Variants in SLC16A14 observed in about 807,000 individuals in gnomAD.
SLC16A14 encodes monocarboxylate transporter 14.
In SLC16A14, 14 loss-of-function variants were observed where a neutral mutation model predicts 35.8. The ratio of observed to expected loss-of-function variants is 0.39; its 90% confidence interval spans 0.26 to 0.61. SLC16A14 has a LOEUF of 0.61. SLC16A14 is among the 20% of genes least tolerant of loss of function. The pLI is 0.51. For missense variants in SLC16A14, 533 were observed against 655.0 expected (o/e 0.81, Z 2.03); for synonymous variants, 248 against 258.9 (o/e 0.96, Z 0.40).
intron 1 of SLC16A14, among the ~76,000 whole-genome samples, chr2:230,067,513 A>C (rs2077808781): frequency 6.9e-6 from 1 of 145,812 alleles, no homozygotes; most frequent in Admixed American, 6.7e-5. Context: ...CCCACCCCCA[A>C]CACTGCCTCT....
chr2:230,059,432 G>A, intron 1 of SLC16A14, 66 bp from the exon 2 acceptor site: 2 of 1,271,492 alleles, frequency 1.6e-6, no homozygotes, highest in Admixed American at 5.1e-5. Flanking sequence ...TCTTCTTTGT[G>A]CAGCTCTACC....
chr2:230,062,855 TCTC>T (rs1055477308), intron 1 of SLC16A14, among the ~76,000 whole-genome samples: 14 of 152,278 alleles, frequency 9.2e-5, no homozygotes, highest in South Asian at 6.2e-4. Context: ...AATTATTCCA[TCTC>T]CTCAACAGCT....
intron 1 of SLC16A14, among the ~76,000 whole-genome samples, chr2:230,063,367 T>C (rs996564201): frequency 6.6e-6 from 1 of 151,376 alleles, no homozygotes; most frequent in Admixed American, 6.6e-5. Flanking sequence ...CTTCAGCACC[T>C]TCTCCCAGCT....
At chr2:230,059,643 C>T (rs1321464837) in intron 1 of SLC16A14, among the ~76,000 whole-genome samples, 1 of 152,168 alleles carries the variant, frequency 6.6e-6, no homozygotes, top group Non-Finnish European at 1.5e-5. Flanking sequence ...TTTCTAAGGC[C>T]TGTATTTAGT....
At chr2:230,049,049 G>A (rs1054668641) in intron 3 of SLC16A14, among the ~76,000 whole-genome samples, 1 of 107,986 alleles carries the variant, frequency 9.3e-6, no homozygotes, top group African/African-American at 3.6e-5. Context: ...TCACACAGGA[G>A]GCTTTATTAT....
chr2:230,064,567 A>G (rs530614164), intron 1 of SLC16A14, among the ~76,000 whole-genome samples: 1 of 152,348 alleles, frequency 6.6e-6, no homozygotes, highest in Admixed American at 6.5e-5. Flanking sequence ...GCAGCTTGAC[A>G]CAAGGTGTGA....
At chr2:230,053,994 A>C (rs1017416522) in intron 2 of SLC16A14, among the ~76,000 whole-genome samples, 1 of 152,020 alleles carries the variant, frequency 6.6e-6, no homozygotes, top group Non-Finnish European at 1.5e-5. Flanking sequence ...CTCTAAATCA[A>C]TGAACTGTTT....
At chr2:230,045,643 A>T in intron 4 of SLC16A14, 102 bp downstream of exon 4, 1 of 1,330,598 alleles carries the variant, frequency 7.5e-7, no homozygotes. Context: ...AGATAAAAGG[A>T]AAATGTACAC....
intron 2 of SLC16A14, among the ~76,000 whole-genome samples, chr2:230,056,930 GTC>G (rs1433070416): frequency 2.8e-5 from 4 of 142,708 alleles, no homozygotes; most frequent in African/African-American, 1.0e-4. Flanking sequence ...AGATCAACAA[GTC>G]TCTGAATTGC....
intron 1 of SLC16A14, among the ~76,000 whole-genome samples, chr2:230,061,923 T>G (rs2077754974): frequency 1.3e-5 from 2 of 151,726 alleles, no homozygotes; most frequent in African/African-American, 4.8e-5. Context: ...TGTATTTTTA[T>G]TAGAGACGGG....
intron 2 of SLC16A14, among the ~76,000 whole-genome samples, chr2:230,055,260 G>GGCATGCAGTACA (rs1323455006): frequency 1.3e-5 from 2 of 151,972 alleles, no homozygotes; most frequent in Non-Finnish European, 2.9e-5. Flanking sequence ...CATGCAGTGC[G>GGCATGCAGTACA]TGCTAAATAA....
chr2:230,049,457 T>C (rs1263295507), intron 3 of SLC16A14, among the ~76,000 whole-genome samples: 1 of 152,206 alleles, frequency 6.6e-6, no homozygotes, highest in Non-Finnish European at 1.5e-5. Context: ...TCAACGTTAC[T>C]GCCTTCCTTT....
chr2:230,055,590 G>A (rs1283178716), intron 2 of SLC16A14, among the ~76,000 whole-genome samples: 1 of 152,156 alleles, frequency 6.6e-6, no homozygotes, highest in Non-Finnish European at 1.5e-5. Flanking sequence ...ATTAAATTAA[G>A]TATGACCATC....
At chr2:230,050,533 C>T (rs12990361) in intron 2 of SLC16A14, among the ~76,000 whole-genome samples, 4,600 of 152,224 alleles carry the variant, frequency 0.03, 134 homozygotes, top group East Asian at 0.14. Flanking sequence ...GAACTGTTAT[C>T]GGGTCCTTCA....
chr2:230,057,134 A>C (rs2077712164), intron 2 of SLC16A14, among the ~76,000 whole-genome samples: 1 of 152,174 alleles, frequency 6.6e-6, no homozygotes, highest in Non-Finnish European at 1.5e-5. Context: ...TTTCACCTTT[A>C]AGTGAAACAA....
At chr2:230,049,602 A>G (rs2077640516) in intron 3 of SLC16A14, among the ~76,000 whole-genome samples, 159 bp downstream of exon 3, 1 of 152,188 alleles carries the variant, frequency 6.6e-6, no homozygotes, top group Non-Finnish European at 1.5e-5. Context: ...TGTAATGTTA[A>G]AATGTATTTC....
chr2:230,048,655 G>A (rs1054507293), intron 3 of SLC16A14, among the ~76,000 whole-genome samples: 3 of 152,126 alleles, frequency 2.0e-5, no homozygotes, highest in Non-Finnish European at 4.4e-5. Context: ...CGGGTGCTGT[G>A]GCTGACACCT....
At chr2:230,052,697 A>G (rs1249833268) in intron 2 of SLC16A14, among the ~76,000 whole-genome samples, 2 of 152,160 alleles carry the variant, frequency 1.3e-5, no homozygotes, top group South Asian at 2.1e-4. Context: ...TTAAAAAAGT[A>G]TAACTATTTA....
At chr2:230,064,760 C>T (rs2077778845) in intron 1 of SLC16A14, among the ~76,000 whole-genome samples, 1 of 152,146 alleles carries the variant, frequency 6.6e-6, no homozygotes, top group African/African-American at 2.4e-5. Flanking sequence ...CCTGTAATCC[C>T]AGCACTTTGG....
Sources: allele counts gnomAD v4.1 joint callset (sites outside exome capture counted in the v4.1 genomes callset), GRCh38; gene constraint gnomAD v4.1.1; transcripts MANE v1.5; gene names NCBI Gene and HGNC (gene_info 2026-07-23, HGNC 2026-07-21).